Variants in TCF7L2 observed in about 807,000 individuals in gnomAD.
TCF7L2 encodes transcription factor 7-like 2.
Under a neutral mutation model 77.9 loss-of-function variants are expected in TCF7L2, and 23 were observed. The ratio of observed to expected loss-of-function variants is 0.30; its 90% CI spans 0.21 to 0.42. The LOEUF (loss-of-function observed/expected upper bound fraction) is 0.42. Among genes scored for constraint, TCF7L2 ranks in the 10% least tolerant of loss-of-function variants. The probability of loss-of-function intolerance (pLI) is 1.00; values close to 1 mark genes in which losing one functional copy is unlikely to be tolerated. For missense variants in TCF7L2, 654 were observed against 793.1 expected (o/e 0.82, Z 2.11); for synonymous variants, 413 against 340.2 (o/e 1.21, Z -2.36).
chr10:113,165,503 C>T (rs2137640570), intron 13 of TCF7L2, 52 bp from the exon 15 acceptor site: 2 of 1,589,510 alleles, frequency 1.3e-6, no homozygotes, highest in Non-Finnish European at 1.7e-6. Context: ...GTAACTCTCT[C>T]CCTTGGCATC....
At chr10:112,974,441 CT>C (rs897929812) in intron 4 of TCF7L2, among the ~76,000 whole-genome samples, 4 of 151,228 alleles carry the variant, frequency 2.6e-5, no homozygotes, top group African/African-American at 9.7e-5. Flanking sequence ...CTGGTATTTT[CT>C]TTTTTTTTGT....
At chr10:113,039,257 G>A (rs139607003) in intron 4 of TCF7L2, among the ~76,000 whole-genome samples, 1 of 152,162 alleles carries the variant, frequency 6.6e-6, no homozygotes, top group Non-Finnish European at 1.5e-5. Flanking sequence ...CTAATTGATC[G>A]CTTTTGACAG....
At chr10:113,094,732 A>G (rs920549496) in intron 5 of TCF7L2, among the ~76,000 whole-genome samples, 5 of 152,324 alleles carry the variant, frequency 3.3e-5, no homozygotes, top group African/African-American at 7.2e-5. Flanking sequence ...ACTTTCCTAT[A>G]TATGCCACAA....
At chr10:113,123,873 C>G (rs1262878226) in intron 5 of TCF7L2, among the ~76,000 whole-genome samples, 1 of 152,198 alleles carries the variant, frequency 6.6e-6, no homozygotes, top group Non-Finnish European at 1.5e-5. Flanking sequence ...GATTTTGTCT[C>G]AAGTCTTCCC....
chr10:113,131,657 T>C (rs1317783264), intron 5 of TCF7L2, among the ~76,000 whole-genome samples: 2 of 152,200 alleles, frequency 1.3e-5, no homozygotes, highest in African/African-American at 2.4e-5. Flanking sequence ...TTATGATCTC[T>C]GTATTGTCAC....
chr10:112,985,316 T>A (rs2135321479), intron 4 of TCF7L2, among the ~76,000 whole-genome samples: 1 of 152,234 alleles, frequency 6.6e-6, no homozygotes, highest in East Asian at 1.9e-4. Context: ...TGAACCCTAT[T>A]CTCCTTGTCA....
chr10:112,956,637 A>T (rs904937575), intron 3 of TCF7L2, among the ~76,000 whole-genome samples: 1 of 152,092 alleles, frequency 6.6e-6, no homozygotes, highest in Admixed American at 6.5e-5. Flanking sequence ...AATTGAGCAC[A>T]TTTGTGAAGG....
intron 4 of TCF7L2, among the ~76,000 whole-genome samples, chr10:113,038,841 T>A (rs2134239359): frequency 6.6e-6 from 1 of 152,316 alleles, no homozygotes; most frequent in East Asian, 1.9e-4. Flanking sequence ...CTAGTGCTTG[T>A]CACAGCCTGT....
chr10:113,027,214 T>C (rs1174459260), intron 4 of TCF7L2, among the ~76,000 whole-genome samples: 1 of 152,248 alleles, frequency 6.6e-6, no homozygotes, highest in Non-Finnish European at 1.5e-5. Flanking sequence ...TTCAGCACTT[T>C]TTGGTTCTTG....
At chr10:113,158,645 A>G in intron 12 of TCF7L2, 22 bp from the exon 13 acceptor site, 3 of 1,612,930 alleles carry the variant, frequency 1.9e-6, no homozygotes, top group African/African-American at 1.3e-5. Context: ...AAGGCTTTGT[A>G]TAATTTGTTC....
chr10:113,157,317 C>T (rs2137332154), intron 11 of TCF7L2, among the ~76,000 whole-genome samples: 1 of 152,264 alleles, frequency 6.6e-6, no homozygotes, highest in South Asian at 2.1e-4. Flanking sequence ...GGGGTTTCGC[C>T]ACGTTGGCCA....
At chr10:113,062,970 G>C (rs2056707759) in intron 5 of TCF7L2, among the ~76,000 whole-genome samples, 1 of 152,120 alleles carries the variant, frequency 6.6e-6, no homozygotes, top group Non-Finnish European at 1.5e-5. Context: ...TAATTAGTTG[G>C]GGACTGTGCA....
rs1403370899 is a variant in TCF7L2 at position 112,990,208 on chromosome 10, T to A, written c.450+25584T>A. 3.3e-5 allele frequency among the ~76,000 whole-genome samples: 5 copies of A among 152,216 alleles called. No homozygotes were observed. In the East Asian group the frequency reaches 9.6e-4, roughly 29 times the overall value. ...AGTGTTTTATTAGTGATTGTCCTCC[T>A]GCAAGTTTCCAGGGTATCTCAGCTT... On this transcript the variant is annotated intron_variant, in intron 4 of 13. Transcript: ENST00000627217.
intron 11 of TCF7L2, among the ~76,000 whole-genome samples, chr10:113,157,569 A>G (rs111729962): frequency 1.4e-3 from 209 of 152,318 alleles, no homozygotes; most frequent in African/African-American, 4.7e-3. Context: ...ATAAGTAAGA[A>G]CTGTGAGCAG....
chr10:112,972,552 C>G (rs1453305677), intron 4 of TCF7L2, among the ~76,000 whole-genome samples: 1 of 152,198 alleles, frequency 6.6e-6, no homozygotes, highest in African/African-American at 2.4e-5. Context: ...TCACTGCAGC[C>G]TCGACCTCCC....
intron 4 of TCF7L2, among the ~76,000 whole-genome samples, chr10:112,969,992 G>T (rs1264130788): frequency 6.6e-6 from 1 of 152,128 alleles, no homozygotes; most frequent in Non-Finnish European, 1.5e-5. Flanking sequence ...TGTTTCCCTT[G>T]GTTTTTGGAA....
intron 13 of TCF7L2, among the ~76,000 whole-genome samples, chr10:113,164,569 G>A (rs2073755149): frequency 6.7e-6 from 1 of 149,158 alleles, no homozygotes; most frequent in Admixed American, 6.8e-5. Flanking sequence ...CTCACTACGG[G>A]GTGGGGGAGG....
At chr10:113,092,126 G>A (rs971416792) in intron 5 of TCF7L2, among the ~76,000 whole-genome samples, 3 of 152,184 alleles carry the variant, frequency 2.0e-5, no homozygotes, top group African/African-American at 7.2e-5. Flanking sequence ...GAAAGACTGG[G>A]TTTCTTCCTT....
chr10:112,993,284 C>G (rs1385465743), intron 4 of TCF7L2, among the ~76,000 whole-genome samples: 1 of 151,958 alleles, frequency 6.6e-6, no homozygotes, highest in Non-Finnish European at 1.5e-5. Context: ...CTTTGGGAGG[C>G]CGAGGCAGGC....
Sources: allele counts gnomAD v4.1 joint callset (sites outside exome capture counted in the v4.1 genomes callset), GRCh38; gene constraint gnomAD v4.1.1; transcripts MANE v1.5; gene names NCBI Gene and HGNC (gene_info 2026-07-23, HGNC 2026-07-21).